GABRG3: variants seen among roughly 807,000 people sequenced by gnomAD.
GABRG3 encodes gamma-aminobutyric acid type A receptor subunit gamma3.
GABRG3 carries 25 observed loss-of-function variants against 48.8 expected under a neutral mutation model. The observed-to-expected ratio is 0.51, with a 90% CI of 0.37 to 0.72. The LOEUF (loss-of-function observed/expected upper bound fraction) is 0.72. GABRG3 is among the 30% of genes least tolerant of loss of function. The pLI, the probability that GABRG3 is intolerant of heterozygous loss-of-function variation, is 0.00. For missense variants in GABRG3, 394 were observed against 577.9 expected, an observed-to-expected ratio of 0.68 and a Z score of 3.26; for synonymous variants, 227 against 217.6, an observed-to-expected ratio of 1.04 and a Z score of -0.38.
intron 3 of GABRG3, among the ~76,000 whole-genome samples, chr15:27,042,620 T>G (rs1896296589): frequency 6.6e-6 from 1 of 152,220 alleles, no homozygotes. Context: ...CTGGTGCAAT[T>G]CTGTGGGAGC....
chr15:27,469,599 C>T (rs1192817384), intron 5 of GABRG3, among the ~76,000 whole-genome samples: 1 of 152,134 alleles, frequency 6.6e-6, no homozygotes, highest in Non-Finnish European at 1.5e-5. Flanking sequence ...CCTCGGCCTC[C>T]CAAAGTGCTG....
At chr15:27,410,668 A>T (rs1409427015) in intron 5 of GABRG3, among the ~76,000 whole-genome samples, 1 of 152,140 alleles carries the variant, frequency 6.6e-6, no homozygotes, top group East Asian at 1.9e-4. Context: ...TCCCGTAGAG[A>T]AGGCTTACTA....
intron 5 of GABRG3, among the ~76,000 whole-genome samples, chr15:27,459,333 G>A (rs963182042): frequency 6.6e-6 from 1 of 152,140 alleles, no homozygotes; most frequent in African/African-American, 2.4e-5. Context: ...AAGTGGCACA[G>A]GTGACAATTC....
At chr15:27,101,883 A>G (rs1897366109) in intron 3 of GABRG3, among the ~76,000 whole-genome samples, 1 of 151,402 alleles carries the variant, frequency 6.6e-6, no homozygotes, top group Admixed American at 6.6e-5. Context: ...AAAAAATATC[A>G]TAACGTTTTA....
intron 3 of GABRG3, among the ~76,000 whole-genome samples, chr15:27,306,406 T>C (rs1415982191): frequency 4.3e-5 from 6 of 140,158 alleles, no homozygotes; most frequent in African/African-American, 1.6e-4. Flanking sequence ...ATATATATAA[T>C]ATAAACATGT....
chr15:27,338,547 A>G (rs1357365192), intron 5 of GABRG3, among the ~76,000 whole-genome samples: 3 of 152,158 alleles, frequency 2.0e-5, no homozygotes, highest in African/African-American at 7.2e-5. Flanking sequence ...TCCAGGCCAC[A>G]GGTCTGTGCA....
intron 5 of GABRG3, among the ~76,000 whole-genome samples, chr15:27,374,581 G>A (rs928310100): frequency 6.6e-6 from 1 of 152,162 alleles, no homozygotes; most frequent in East Asian, 1.9e-4. Flanking sequence ...TTGTTTAAGT[G>A]TGGGTTTGTG....
chr15:27,260,666 T>C lies in GABRG3; in HGVS notation c.271-66143T>C, dbSNP rs905186189. ...GGTCCTGGAACCCATCCACCACATA[T>C]ACTGAGGGATGATTGTATGTTCAAG... On this transcript the variant is annotated intron_variant, in intron 3 of 9. Transcript: ENST00000615808. 3.9e-5 allele frequency among the ~76,000 whole-genome samples: 6 copies of C among 152,288 alleles called. No individual in the cohort carries two copies. In the South Asian group the frequency reaches 1.2e-3, roughly 32 times the overall value.
intron 5 of GABRG3, among the ~76,000 whole-genome samples, chr15:27,433,643 G>C (rs976008062): frequency 5.9e-5 from 9 of 152,244 alleles, no homozygotes; most frequent in African/African-American, 1.9e-4. Flanking sequence ...TTCAACAGAT[G>C]CCATGTAGCC....
At chr15:26,995,649 G>A (rs11856733) in intron 2 of GABRG3, among the ~76,000 whole-genome samples, 1 of 151,654 alleles carries the variant, frequency 6.6e-6, no homozygotes, top group Non-Finnish European at 1.5e-5. Context: ...CTTGTCATTA[G>A]CAAGCCTACG....
chr15:27,480,545 G>GT (rs1177618058), intron 5 of GABRG3, 105 bp from the exon 6 acceptor site: 1 of 1,123,342 alleles, frequency 8.9e-7, no homozygotes, highest in Non-Finnish European at 1.3e-6. Context: ...TGGCCTAAAA[G>GT]TTTAACTCCT....
rs554080527 is a variant in GABRG3 at position 27,180,324 on chromosome 15, GA to G, written c.271-146476del. The stretch of plus-strand genomic sequence containing the variant: ...AACGGGCAAATGGCTTGAGTGAAAG[GA>G]AAAAAAAATGAGATTGAACAAGAAG... On this transcript the variant is annotated intron_variant, in intron 3 of 9. Transcript: ENST00000615808. The surrounding 1 kb of genome is among the most constrained non-coding windows in gnomAD (Gnocchi z 4.2). Among the ~76,000 whole-genome samples the G allele has an allele frequency of 8.7e-5, 13 of 150,090 alleles. No homozygotes were observed. The highest frequency in any genetic ancestry group is 3.4e-3 in the Middle Eastern group (1 of 292).
intron 7 of GABRG3, 73 bp from the exon 8 acceptor site, chr15:27,527,360 G>T (rs1200390935): frequency 1.4e-6 from 2 of 1,416,820 alleles, no homozygotes; most frequent in Non-Finnish European, 9.8e-7. Flanking sequence ...GGGGTGGAGG[G>T]ATGTGGGTGA....
intron 2 of GABRG3, among the ~76,000 whole-genome samples, chr15:27,019,055 CTTTTTTTTTTTTTTT>C (rs9331868): frequency 1.4e-4 from 6 of 42,002 alleles, no homozygotes; most frequent in East Asian, 9.9e-4. Flanking sequence ...TCCCTAGAGT[CTTTTTTTTTTTTTTT>C]TTTTTTTTTT....
chr15:26,981,255 TG>T (rs1895047885), intron 2 of GABRG3, among the ~76,000 whole-genome samples: 1 of 152,238 alleles, frequency 6.6e-6, no homozygotes, highest in Non-Finnish European at 1.5e-5. Context: ...AAAACTGCTG[TG>T]AGCATTTCTG....
At chr15:27,201,210 G>T (rs927124848) in intron 3 of GABRG3, among the ~76,000 whole-genome samples, 2 of 151,938 alleles carry the variant, frequency 1.3e-5, no homozygotes, top group African/African-American at 4.8e-5. Flanking sequence ...ATACACAGCT[G>T]CAGGACACAG....
intron 3 of GABRG3, among the ~76,000 whole-genome samples, chr15:27,033,355 C>A (rs1208170829): frequency 6.6e-6 from 1 of 152,108 alleles, no homozygotes; most frequent in Non-Finnish European, 1.5e-5. Context: ...GGGTGCCAGT[C>A]TACTGCAAGG....
rs180943900 is a variant in GABRG3 at position 27,306,916 on chromosome 15, C to T, written c.271-19893C>T. Among the ~76,000 whole-genome samples, 74 of 13,916 alleles carry T rather than the reference C, an allele frequency of 5.3e-3. 4 individuals are homozygous for T. The highest frequency in any genetic ancestry group is 0.019 in the East Asian group (4 of 212). 9.1% of individuals were successfully genotyped at this position (13,916 alleles called of 152,430 possible). A position where few individuals can be genotyped will look rare whatever the true frequency, so the allele number is the denominator to read the frequency against. ...ATAAACATGTTTATATATAAACATA[C>T]AATATAAACATGTTTATATATAAAC... On this transcript the variant is annotated intron_variant, in intron 3 of 9. Transcript: ENST00000615808.
intron 6 of GABRG3, among the ~76,000 whole-genome samples, chr15:27,498,315 G>A (rs1355687983): frequency 2.6e-5 from 4 of 152,028 alleles, no homozygotes; most frequent in Non-Finnish European, 4.4e-5. Context: ...TCGGGAGAAG[G>A]CTGGGAACTC....
Sources: allele counts gnomAD v4.1 joint callset (sites outside exome capture counted in the v4.1 genomes callset), GRCh38; gene constraint gnomAD v4.1.1; non-coding constraint Gnocchi (gnomAD v3.1); transcripts MANE v1.5; gene names NCBI Gene and HGNC (gene_info 2026-07-23, HGNC 2026-07-21).